The following MEGF11 variants were observed in gnomAD, a reference collection of about 807,000 sequenced individuals.
MEGF11 encodes the protein multiple EGF like domains 11, also known as multiple epidermal growth factor-like domains protein 11.
MEGF11 carries 126 observed loss-of-function variants against 146.6 expected under a neutral mutation model. The observed-to-expected ratio is 0.86, with a 90% CI of 0.74 to 1.00. MEGF11 has a LOEUF of 1.00. MEGF11 is among the 50% of genes least tolerant of loss of function. The pLI is 0.00. For missense variants in MEGF11, 1,509 were observed against 1,521.2 expected, an observed-to-expected ratio of 0.99 and a Z score of 0.13; for synonymous variants, 532 against 583.4, an observed-to-expected ratio of 0.91 and a Z score of 1.27.
At chr15:66,022,816 C>G (rs2083195809) in intron 5 of MEGF11, among the ~76,000 whole-genome samples, 1 of 148,594 alleles carries the variant, frequency 6.7e-6, no homozygotes, top group Non-Finnish European at 1.5e-5. Context: ...CCACTGCACT[C>G]TAGCCTGGGC....
chr15:65,918,221 A>T, intron 15 of MEGF11, 127 bp from the exon 16 acceptor site: 1 of 1,346,134 alleles, frequency 7.4e-7, no homozygotes. Flanking sequence ...ATCTGGATGG[A>T]GACCACGCCC....
intron 1 of MEGF11, among the ~76,000 whole-genome samples, chr15:66,156,245 G>T (rs2089754587): frequency 6.6e-6 from 1 of 152,112 alleles, no homozygotes; most frequent in Non-Finnish European, 1.5e-5. Context: ...CACCTGCACT[G>T]CTGGGATCTC....
At chr15:66,171,914 T>TC (rs1426582247) in intron 1 of MEGF11, among the ~76,000 whole-genome samples, 4 of 152,052 alleles carry the variant, frequency 2.6e-5, no homozygotes, top group African/African-American at 9.7e-5. Flanking sequence ...GAGTTCAATA[T>TC]CCCCGCCGTC....
At chr15:66,226,162 C>A (rs2091848448) in intron 1 of MEGF11, among the ~76,000 whole-genome samples, 2 of 152,220 alleles carry the variant, frequency 1.3e-5, no homozygotes, top group African/African-American at 4.8e-5. Context: ...TGTAGACGCC[C>A]CCTGCCCATT....
intron 1 of MEGF11, among the ~76,000 whole-genome samples, chr15:66,227,587 C>G (rs1045408443): frequency 6.6e-6 from 1 of 152,144 alleles, no homozygotes; most frequent in Non-Finnish European, 1.5e-5. Context: ...ACCCGCATAC[C>G]TGCTTCTCCT....
intron 2 of MEGF11, among the ~76,000 whole-genome samples, chr15:66,126,051 A>G (rs556717058): frequency 2.6e-5 from 4 of 152,278 alleles, no homozygotes; most frequent in South Asian, 4.1e-4. Context: ...ATTTGCTAAC[A>G]TGCTAATGAG....
chr15:65,928,804 G>A lies in MEGF11; in HGVS notation c.1573-277C>T, dbSNP rs150109307. Among the ~76,000 whole-genome samples the A allele has an allele frequency of 3.1e-4, 47 of 152,124 alleles. 2 individuals carry two copies. Among genetic ancestry groups the A allele is most frequent in the African/African-American group, 1.0e-3 (42 of 41,486 alleles). ...AGGAGTATGAGGTTGAGAAGGAGGT[G>A]ATACTCCTGCTCTACTTCTCAGTGG... is the stretch of plus-strand genomic sequence containing the variant. On this transcript the variant is annotated intron_variant, in intron 12 of 25. Transcript: ENST00000395614.
intron 1 of MEGF11, among the ~76,000 whole-genome samples, chr15:66,221,611 C>T (rs950444328): frequency 8.6e-5 from 13 of 151,752 alleles, no homozygotes; most frequent in Non-Finnish European, 1.9e-4. Context: ...GGGGACAGAC[C>T]TCTCTTTATT....
chr15:66,115,529 T>A (rs1456570706), intron 4 of MEGF11, among the ~76,000 whole-genome samples: 1 of 152,188 alleles, frequency 6.6e-6, no homozygotes, highest in Non-Finnish European at 1.5e-5. Flanking sequence ...CCTCTTCAGA[T>A]TTCCTATGTT....
intron 4 of MEGF11, among the ~76,000 whole-genome samples, chr15:66,100,367 C>T (rs556321078): frequency 1.3e-4 from 20 of 152,214 alleles, no homozygotes; most frequent in South Asian, 4.1e-4. Flanking sequence ...TCTCTCTCTC[C>T]GGCACCCCAT....
At chr15:65,993,937 A>C (rs1291627128) in intron 5 of MEGF11, among the ~76,000 whole-genome samples, 1 of 152,120 alleles carries the variant, frequency 6.6e-6, no homozygotes, top group African/African-American at 2.4e-5. Flanking sequence ...CTTGGCAAAA[A>C]ACAGGATCAG....
At chr15:66,061,617 G>A (rs2084910608) in intron 5 of MEGF11, among the ~76,000 whole-genome samples, 1 of 147,968 alleles carries the variant, frequency 6.8e-6, no homozygotes, top group African/African-American at 2.5e-5. Flanking sequence ...AGGGTAGGGG[G>A]TGCTAGAACC....
chr15:66,031,822 A>G (rs1019369011), intron 5 of MEGF11, among the ~76,000 whole-genome samples: 1 of 152,214 alleles, frequency 6.6e-6, no homozygotes, highest in African/African-American at 2.4e-5. Context: ...GCCCTCGTGA[A>G]TGGATTAATG....
At chr15:66,047,924 T>C (rs952315737) in intron 5 of MEGF11, among the ~76,000 whole-genome samples, 2 of 150,298 alleles carry the variant, frequency 1.3e-5, no homozygotes, top group African/African-American at 2.4e-5. Context: ...TGAGGGGACA[T>C]TGTTATCTCC....
At chr15:65,955,814 A>ACACAC (rs1290763810) in intron 10 of MEGF11, among the ~76,000 whole-genome samples, 2 of 95,000 alleles carry the variant, frequency 2.1e-5, no homozygotes, top group African/African-American at 4.1e-5. Flanking sequence ...ACACACACAC[A>ACACAC]ATACTTTAAA....
intron 3 of MEGF11, 121 bp from the exon 4 acceptor site, chr15:66,119,307 G>C (rs886503527): frequency 1.5e-6 from 1 of 679,462 alleles, no homozygotes; most frequent in Non-Finnish European, 2.5e-6. Context: ...AATGCATGGC[G>C]ACTTCAAATA....
intron 5 of MEGF11, among the ~76,000 whole-genome samples, chr15:66,070,848 G>T (rs1222837723): frequency 1.3e-5 from 2 of 152,140 alleles, no homozygotes; most frequent in African/African-American, 4.8e-5. Flanking sequence ...GTGCTTCATA[G>T]TATTCATATC....
intron 1 of MEGF11, among the ~76,000 whole-genome samples, chr15:66,223,728 A>C (rs534164030): frequency 6.6e-6 from 1 of 152,374 alleles, no homozygotes; most frequent in South Asian, 2.1e-4. Context: ...GTCTCAAAAA[A>C]ATAAAATAAA....
intron 5 of MEGF11, among the ~76,000 whole-genome samples, chr15:65,998,667 T>G (rs2082271430): frequency 6.6e-6 from 1 of 151,898 alleles, no homozygotes; most frequent in Non-Finnish European, 1.5e-5. Flanking sequence ...TGGTGGTGGG[T>G]CCCCACATGC....
Sources: gnomAD v4.1 joint callset for allele counts (sites outside exome capture counted in the v4.1 genomes callset) on GRCh38, gnomAD v4.1.1 for gene constraint, MANE v1.5 for transcripts, NCBI Gene and HGNC (gene_info 2026-07-23, HGNC 2026-07-21) for gene names.